RARB: variants seen among roughly 807,000 people sequenced by gnomAD.
RARB encodes retinoic acid receptor beta.
In RARB, 17 loss-of-function variants were observed where a neutral mutation model predicts 51.9. That is an observed-to-expected ratio of 0.33 (90% CI 0.22 to 0.49). The LOEUF (loss-of-function observed/expected upper bound fraction) is 0.49. Among genes scored for constraint, RARB ranks in the 20% least tolerant of loss-of-function variants. The pLI, the probability that RARB is intolerant of heterozygous loss-of-function variation, is 0.99. For synonymous variants in RARB, 215 were observed against 195.4 expected, an observed-to-expected ratio of 1.10 and a Z score of -0.84; for missense variants, 369 against 550.8, an observed-to-expected ratio of 0.67 and a Z score of 3.30.
Position 24,996,261 on chromosome 3 carries a change from A to G in RARB, c.-379-63864A>G, listed in dbSNP as rs576508939. ...TAATGGCCTATAGTTGTTTATAGTA[A>G]TCTTGAATGATCCATTGTATTTCTA... On this transcript the variant is annotated intron_variant, in intron 2 of 11. Coordinates refer to the RARB transcript ENST00000383772. 1.4e-4 allele frequency among the ~76,000 whole-genome samples: 22 copies of G among 152,094 alleles called. 1 individual carries two copies. The East Asian group carries it at 4.3e-3, about 29-fold the overall frequency.
intron 3 of RARB, among the ~76,000 whole-genome samples, chr3:25,126,860 C>T (rs939341332): frequency 2.6e-5 from 4 of 152,128 alleles, no homozygotes; most frequent in African/African-American, 7.2e-5. Flanking sequence ...GAGAATTAGT[C>T]CCAAGGGCAA....
At chr3:25,487,795 C>T (rs932528173) in intron 2 of RARB, among the ~76,000 whole-genome samples, 9 of 152,136 alleles carry the variant, frequency 5.9e-5, no homozygotes, top group Admixed American at 1.3e-4. Flanking sequence ...GGTGCTTTCA[C>T]GGGGTCTATT....
chr3:25,085,133 G>A (rs999058267), intron 3 of RARB, among the ~76,000 whole-genome samples: 2 of 152,144 alleles, frequency 1.3e-5, no homozygotes, highest in Non-Finnish European at 2.9e-5. Context: ...AACTATAGAT[G>A]TGCCACCTGA....
intron 3 of RARB, among the ~76,000 whole-genome samples, chr3:25,111,433 C>G (rs1699598434): frequency 1.3e-5 from 2 of 152,224 alleles, no homozygotes; most frequent in East Asian, 1.9e-4. Context: ...TGAAATTTCT[C>G]TCTTACTAGC....
At chr3:25,203,616 G>A (rs200117142) in intron 5 of RARB, among the ~76,000 whole-genome samples, 3 of 152,132 alleles carry the variant, frequency 2.0e-5, no homozygotes, top group Non-Finnish European at 4.4e-5. Context: ...AGCTCTTGTA[G>A]GGCAGGCCTG....
rs1236668090 is a variant in RARB, at chr3:24,902,200, T to TGACCA, written c.-380+43449_-380+43453dup. ...TCTGAGAAGCAGCAGATCTAGAATT[T>TGACCA]GACCACAGACTTACGTGTCCCTAGA... On this transcript the variant is annotated intron_variant, in intron 2 of 11. Coordinates refer to the RARB transcript ENST00000383772. 2.0e-5 allele frequency among the ~76,000 whole-genome samples: 3 copies of TGACCA among 152,330 alleles called. No homozygotes were observed. In the East Asian group the frequency reaches 5.8e-4, roughly 29 times the overall value.
At chr3:25,551,598 G>C (rs1699854321) in intron 3 of RARB, among the ~76,000 whole-genome samples, 1 of 152,174 alleles carries the variant, frequency 6.6e-6, no homozygotes, top group Non-Finnish European at 1.5e-5. Context: ...GATATCTAAT[G>C]GGCAATGGGA....
At chr3:25,503,043 G>A (rs1575466568) in intron 3 of RARB, among the ~76,000 whole-genome samples, 1 of 152,218 alleles carries the variant, frequency 6.6e-6, no homozygotes, top group Non-Finnish European at 1.5e-5. Flanking sequence ...TCCTGCATGT[G>A]CCATTCCTTC....
At chr3:25,111,005 A>G (rs1580816) in intron 3 of RARB, among the ~76,000 whole-genome samples, 139,082 of 152,202 alleles carry the variant, frequency 0.91, 63,899 homozygotes, top group Non-Finnish European at 0.96. Flanking sequence ...CAGTGGGAAT[A>G]GGGAGATATT....
chr3:24,977,281 T>A (rs1029090630), intron 2 of RARB, among the ~76,000 whole-genome samples: 2 of 152,220 alleles, frequency 1.3e-5, no homozygotes, highest in Admixed American at 1.3e-4. Flanking sequence ...AAAGTAGTTT[T>A]TTCCAATTCT....
At chr3:25,273,746 G>A (rs1336797934) in intron 5 of RARB, among the ~76,000 whole-genome samples, 1 of 152,224 alleles carries the variant, frequency 6.6e-6, no homozygotes, top group Non-Finnish European at 1.5e-5. Flanking sequence ...TAGGAAAGCA[G>A]TTGCTAGCTG....
intron 2 of RARB, among the ~76,000 whole-genome samples, chr3:24,983,668 T>G (rs1025936885): frequency 1.3e-5 from 2 of 152,232 alleles, no homozygotes. Context: ...TTGAATTATG[T>G]TTGTAGATAG....
chr3:25,531,727 A>T (rs991550550), intron 3 of RARB, among the ~76,000 whole-genome samples: 35 of 148,562 alleles, frequency 2.4e-4, no homozygotes, highest in African/African-American at 8.6e-4. Context: ...ACACTTTAAA[A>T]AAAAAAAAAA....
intron 1 of RARB, among the ~76,000 whole-genome samples, chr3:25,436,336 C>T (rs1014469032): frequency 5.3e-5 from 8 of 152,074 alleles, no homozygotes; most frequent in African/African-American, 1.7e-4. Context: ...TTTTAAATTC[C>T]GTGACCATTA....
At chr3:25,016,547 A>G (rs1007526379) in intron 2 of RARB, among the ~76,000 whole-genome samples, 5 of 152,208 alleles carry the variant, frequency 3.3e-5, no homozygotes, top group Non-Finnish European at 5.9e-5. Flanking sequence ...GGTTTGGAAC[A>G]TTCACAGATG....
At chr3:25,264,111 AT>A (rs1197541264) in intron 5 of RARB, among the ~76,000 whole-genome samples, 11 of 10,016 alleles carry the variant, frequency 1.1e-3, no homozygotes, top group South Asian at 2.8e-3. Context: ...GGCATTGTTG[AT>A]TTTTTTTTTT....
chr3:25,024,648 A>G (rs1185004537), intron 2 of RARB, among the ~76,000 whole-genome samples: 3 of 152,190 alleles, frequency 2.0e-5, no homozygotes, highest in Admixed American at 6.6e-5. Flanking sequence ...CAACAAGATA[A>G]GAAATCTTGA....
intron 2 of RARB, among the ~76,000 whole-genome samples, chr3:24,967,323 GC>G (rs1191808453): frequency 6.6e-6 from 1 of 152,114 alleles, no homozygotes; most frequent in Non-Finnish European, 1.5e-5. Context: ...TGGAGTAGAA[GC>G]CAGATTATCT....
At chr3:25,506,072 A>G (rs559205745) in intron 3 of RARB, among the ~76,000 whole-genome samples, 1 of 152,200 alleles carries the variant, frequency 6.6e-6, no homozygotes, top group African/African-American at 2.4e-5. Flanking sequence ...CTTTAAGCCA[A>G]AGGTCAGCAA....
Sources: gnomAD v4.1 joint callset for allele counts (sites outside exome capture counted in the v4.1 genomes callset) on GRCh38, gnomAD v4.1.1 for gene constraint, MANE v1.5 for transcripts, NCBI Gene and HGNC (gene_info 2026-07-23, HGNC 2026-07-21) for gene names.